Variants in CDH20 observed in about 807,000 individuals in gnomAD.
CDH20 encodes cadherin 20, also known as cadherin-20.
Under a neutral mutation model 74.2 loss-of-function variants are expected in CDH20, and 29 were observed. The observed-to-expected ratio is 0.39, with a 90% CI of 0.29 to 0.53. The LOEUF (loss-of-function observed/expected upper bound fraction) is 0.53, where lower values mean the gene tolerates loss of function less well. Among genes scored for constraint, CDH20 ranks in the 20% least tolerant of loss-of-function variants. CDH20 has a pLI of 0.69. For synonymous variants in CDH20, 469 were observed against 405.4 expected (o/e 1.16, Z -1.88); for missense variants, 988 against 1,048.3 (o/e 0.94, Z 0.79).
At chr18:61,457,269 T>C (rs1909603154) in intron 1 of CDH20, among the ~76,000 whole-genome samples, 1 of 152,168 alleles carries the variant, frequency 6.6e-6, no homozygotes, top group Admixed American at 6.5e-5. Context: ...ACACCTGGTC[T>C]GAATAGCTTA....
intron 8 of CDH20, among the ~76,000 whole-genome samples, chr18:61,538,610 T>TG (rs1245839732): frequency 1.9e-4 from 8 of 42,068 alleles, no homozygotes; most frequent in South Asian, 3.2e-3. Context: ...TTGTTTTTGT[T>TG]TTTGTTTTTG....
intron 1 of CDH20, among the ~76,000 whole-genome samples, chr18:61,412,924 G>A (rs1247965814): frequency 1.3e-5 from 2 of 152,100 alleles, no homozygotes; most frequent in Non-Finnish European, 2.9e-5. Flanking sequence ...AGGTTACAAG[G>A]TAGTTTAATT....
chr18:61,452,725 A>T (rs1348948944), intron 1 of CDH20, among the ~76,000 whole-genome samples: 2 of 152,116 alleles, frequency 1.3e-5, no homozygotes, highest in Non-Finnish European at 2.9e-5. Context: ...GCTATGTAAC[A>T]CTTGTATGTT....
chr18:61,552,612 G>A (rs1913475803), intron 11 of CDH20, among the ~76,000 whole-genome samples: 1 of 152,060 alleles, frequency 6.6e-6, no homozygotes, highest in South Asian at 2.1e-4. Flanking sequence ...AAAATTCACT[G>A]GCCCTGCCTC....
At position 61,528,355 on chromosome 18, in the gene CDH20, T is replaced by G. The variant is rs1912515711; in HGVS notation, c.1271+135T>G. ...GAGACTCTCCTCTTTGAGTTTTTTG[T>G]GTTGTTTTTTTTTTTTTCCCTTAAA... On this transcript the variant is annotated intron_variant, in intron 7 of 11. Coordinates refer to ENST00000262717, the MANE Select transcript of CDH20 (RefSeq NM_031891.4). The G allele has an allele frequency of 2.7e-5, 25 of 938,926 alleles. 1 individual carries two copies. The South Asian group carries it at 3.5e-4, about 13-fold the overall frequency. The allele number at this position is 938,926 out of a possible 1,614,324, so 58.2% of individuals were successfully genotyped here.
intron 1 of CDH20, among the ~76,000 whole-genome samples, chr18:61,465,752 T>C (rs1897558559): frequency 6.6e-6 from 1 of 152,160 alleles, no homozygotes; most frequent in African/African-American, 2.4e-5. Context: ...GGAATATTTA[T>C]GCATTTCTAA....
chr18:61,509,048 A>G (rs1182022678), intron 6 of CDH20, among the ~76,000 whole-genome samples: 1 of 152,188 alleles, frequency 6.6e-6, no homozygotes, highest in Admixed American at 6.5e-5. Context: ...CATAAGAATG[A>G]TACAGTGGAC....
intron 1 of CDH20, among the ~76,000 whole-genome samples, chr18:61,456,649 T>TAA (rs574488237): frequency 2.7e-5 from 4 of 147,536 alleles, no homozygotes; most frequent in Non-Finnish European, 4.5e-5. Flanking sequence ...CACTTTATCT[T>TAA]AAAAAAAAAA....
At chr18:61,433,517 C>T (rs936301430) in intron 1 of CDH20, among the ~76,000 whole-genome samples, 14 of 152,110 alleles carry the variant, frequency 9.2e-5, no homozygotes, top group African/African-American at 3.1e-4. Context: ...CAGTCTCACA[C>T]GTGAAAATGT....
In CDH20 at chr18:61,382,380, C is replaced by A. The variant is rs145630293; in HGVS notation, c.-153+48553C>A. Among the ~76,000 whole-genome samples, 7 of 152,274 alleles carry A rather than the reference C, an allele frequency of 4.6e-5. No homozygotes were observed. In the East Asian group the frequency reaches 1.4e-3, roughly 29 times the overall value. ...GCCAAAAAGTAGAACGAGAAAAGGG[C>A]TTTGGAGTCAAGAAGTCCTAGGCTA... On this transcript the variant is annotated intron_variant, in intron 1 of 11. Transcript: ENST00000262717.
At chr18:61,375,130 C>T (rs1028074236) in intron 1 of CDH20, among the ~76,000 whole-genome samples, 3 of 152,260 alleles carry the variant, frequency 2.0e-5, no homozygotes, top group South Asian at 2.1e-4. Flanking sequence ...TCTCATTGAG[C>T]GCCGCTCTTC....
intron 9 of CDH20, among the ~76,000 whole-genome samples, chr18:61,539,592 T>C (rs529402327): frequency 6.6e-6 from 1 of 152,308 alleles, no homozygotes; most frequent in East Asian, 1.9e-4. Flanking sequence ...CAGTAACACC[T>C]GCTCTGAGGC....
At chr18:61,526,121 CTTT>C (rs765492185) in intron 6 of CDH20, among the ~76,000 whole-genome samples, 164 of 90,206 alleles carry the variant, frequency 1.8e-3, no homozygotes, top group South Asian at 9.4e-3. Flanking sequence ...AAAAAGTTGA[CTTT>C]TTTTTTTTTT....
chr18:61,552,718 T>C (rs1913478818), intron 11 of CDH20, among the ~76,000 whole-genome samples: 1 of 152,158 alleles, frequency 6.6e-6, no homozygotes, highest in Non-Finnish European at 1.5e-5. Context: ...GATTACAAGC[T>C]CACAAGAGCA....
At chr18:61,377,244 G>A (rs1289196104) in intron 1 of CDH20, among the ~76,000 whole-genome samples, 2 of 151,944 alleles carry the variant, frequency 1.3e-5, no homozygotes, top group African/African-American at 4.8e-5. Flanking sequence ...CATTTCACTG[G>A]AGAAACAGAA....
chr18:61,442,158 T>C (rs550109783), intron 1 of CDH20, among the ~76,000 whole-genome samples: 2 of 151,988 alleles, frequency 1.3e-5, no homozygotes, highest in Non-Finnish European at 2.9e-5. Context: ...GAGACCAGCC[T>C]GGGCAACATG....
At chr18:61,477,867 T>C (rs866098003) in intron 1 of CDH20, among the ~76,000 whole-genome samples, 2 of 152,160 alleles carry the variant, frequency 1.3e-5, no homozygotes, top group Admixed American at 6.5e-5. Context: ...GTTGAAATGA[T>C]ATTTTATTAT....
chr18:61,346,959 G>T (rs1341958688), intron 1 of CDH20, among the ~76,000 whole-genome samples: 1 of 151,958 alleles, frequency 6.6e-6, no homozygotes, highest in South Asian at 2.1e-4. Context: ...GTACCCACCT[G>T]GCCAGTGCTG....
chr18:61,554,637 G>T lies in CDH20; in HGVS notation c.2348G>T (p.Arg783Leu). The stretch of plus-strand genomic sequence containing the variant: ...GACTTCCTGACGGACTGGGGGCCCC[G>T]CTTCCGGAAGCTGGCCGAGCTCTAC... ...SFDFLTDWGP[R>L]FRKLAELYGA... is the part of the protein sequence containing the mutation. The change falls in exon 12 of 12, where the codon CGC becomes CTC. Residue 783 changes from arginine to leucine, a missense_variant. Around this residue, in one of 2 missense-constraint regions of CDH20, gnomAD observed 375 missense variants for 293.1 expected, o/e 1.28. Coordinates refer to ENST00000262717, the MANE Select transcript of CDH20 (RefSeq NM_031891.4). The T allele has an allele frequency of 6.2e-7, 1 of 1,600,318 alleles. No homozygotes were observed. The highest frequency in any genetic ancestry group is 1.3e-5 in the African/African-American group (1 of 74,902).
Sources: gnomAD v4.1 joint callset for allele counts (sites outside exome capture counted in the v4.1 genomes callset) on GRCh38, gnomAD v4.1.1 for gene constraint, gnomAD v4.1.1 regional missense constraint, MANE v1.5 for transcripts, NCBI Gene and HGNC (gene_info 2026-07-23, HGNC 2026-07-21) for gene names.